Variants in CENPN observed in about 807,000 individuals in gnomAD.
The protein encoded by CENPN is centromere protein N, also known as interphase centromere complex protein 32.
In CENPN, 36 loss-of-function variants were observed where a neutral mutation model predicts 48.6. The ratio of observed to expected loss-of-function variants is 0.74; its 90% confidence interval spans 0.57 to 0.98. The LOEUF (loss-of-function observed/expected upper bound fraction) is 0.98, where lower values mean the gene tolerates loss of function less well. Ranked by LOEUF, CENPN falls within the 50% of genes least tolerant of loss-of-function variation. The pLI is 0.00. For missense variants in CENPN, 439 were observed against 399.2 expected (o/e 1.10, Z -0.85); for synonymous variants, 166 against 135.2 (o/e 1.23, Z -1.58).
chr16:81,017,720 T>G, intron 4 of CENPN, 38 bp from the exon 5 acceptor site: 1 of 1,386,734 alleles, frequency 7.2e-7, no homozygotes, highest in Non-Finnish European at 1.0e-6. Context: ...ACATTGTAGC[T>G]CCCTTGATTT....
downstream of CENPN, chr16:81,032,518 T>C (rs77796610): frequency 9.2e-4 from 1,398 of 1,513,736 alleles, 13 homozygotes; most frequent in African/African-American, 0.016. Flanking sequence ...ATGTCTTTTC[T>C]CCTATTAATC....
rs1055717319 is a variant in CENPN, at chr16:81,028,278, G to C, written c.918G>C (p.Leu306Phe). The C allele has an allele frequency of 1.2e-6, 2 of 1,614,138 alleles. No homozygotes were observed. Among genetic ancestry groups the C allele is most frequent in the Admixed American group, 3.3e-5 (2 of 60,028 alleles). ...KFSSPHLLEA[L>F]KSLAPAGIAD... ...CTAGCCCACATCTTCTGGAAGCATT[G>C]AAATCCTTAGCACCAGCGGGTGAGT... Residue 306 changes from leucine to phenylalanine, a missense_variant, in exon 10 of 11, where the codon TTG becomes TTC. Leu to Phe is a conservative substitution (Grantham distance 22, BLOSUM62 0). Coordinates refer to ENST00000305850, the MANE Select transcript of CENPN (RefSeq NM_001100624.3).
chr16:81,009,238 A>G (rs1969640764), intron 1 of CENPN, among the ~76,000 whole-genome samples: 1 of 152,238 alleles, frequency 6.6e-6, no homozygotes, highest in Non-Finnish European at 1.5e-5. Flanking sequence ...AAAAACAATT[A>G]GCAGTGGAGA....
rs750393859 is a variant in CENPN, at chr16:81,028,338, A to G, written c.937+41A>G. On this transcript the variant is annotated intron_variant, in intron 10 of 10. Coordinates refer to ENST00000305850, the MANE Select transcript of CENPN (RefSeq NM_001100624.3). ...ACTCTATAAGCTAGAAAAATTAACA[A>G]CATGCCTCCATTCCATCCTTATAAT... The G allele has an allele frequency of 5.6e-6, 9 of 1,606,776 alleles. No individual in the cohort carries two copies. The East Asian group carries it at 6.7e-5, about 12-fold the overall frequency.
intron 1 of CENPN, among the ~76,000 whole-genome samples, chr16:81,010,303 G>C (rs1441323824): frequency 6.6e-6 from 1 of 152,228 alleles, no homozygotes; most frequent in Non-Finnish European, 1.5e-5. Context: ...TAGCAGACGT[G>C]AGATCAGCTG....
At chr16:81,031,667 A>G (rs1025650309), downstream of CENPN, among the ~76,000 whole-genome samples, 1 of 152,200 alleles carries the variant, frequency 6.6e-6, no homozygotes, top group Non-Finnish European at 1.5e-5. Context: ...GAGTTGTCTC[A>G]TTCCTTAACC....
intron 6 of CENPN, among the ~76,000 whole-genome samples, chr16:81,020,957 TG>T (rs1482463661): frequency 2.0e-4 from 30 of 152,148 alleles, no homozygotes; most frequent in Non-Finnish European, 4.4e-5. Context: ...CCAGGCGTGG[TG>T]GTGGGCACCT....
intron 9 of CENPN, among the ~76,000 whole-genome samples, chr16:81,027,221 T>G (rs1241094955): frequency 6.6e-6 from 1 of 152,190 alleles, no homozygotes; most frequent in Non-Finnish European, 1.5e-5. Context: ...TTGGGCACAG[T>G]GGCTCACACC....
intron 9 of CENPN, among the ~76,000 whole-genome samples, chr16:81,026,915 C>G (rs1050938503): frequency 2.0e-5 from 3 of 151,994 alleles, no homozygotes; most frequent in African/African-American, 7.2e-5. Context: ...CTCAGCCTCC[C>G]GAGTAGCTGG....
At chr16:81,013,973 A>C (rs996183394) in intron 2 of CENPN, among the ~76,000 whole-genome samples, 163 bp from the exon 3 acceptor site, 2 of 152,238 alleles carry the variant, frequency 1.3e-5, no homozygotes, top group Non-Finnish European at 2.9e-5. Context: ...ATGAATCAGA[A>C]AGAATGTCCA....
chr16:81,028,129 A>T (rs368901835), intron 9 of CENPN, 42 bp from the exon 10 acceptor site: 16 of 1,404,234 alleles, frequency 1.1e-5, no homozygotes, highest in Non-Finnish European at 1.5e-5. Context: ...ATTCGTATTT[A>T]TACAATATGT....
At chr16:81,016,535 G>A (rs1335458561) in intron 3 of CENPN, among the ~76,000 whole-genome samples, 1 of 152,212 alleles carries the variant, frequency 6.6e-6, no homozygotes. Context: ...GCCAAGGTAG[G>A]TGGATCACCC....
chr16:81,017,819 G>A lies in CENPN; in HGVS notation c.339G>A (p.Gln113=). 4 of 1,558,834 alleles carry A rather than the reference G, an allele frequency of 2.6e-6. No individual in the cohort carries two copies. The highest frequency in any genetic ancestry group is 2.6e-6 in the Non-Finnish European group (3 of 1,140,568). Reference sequence around the variant, plus strand: ...AAAATTCGTTCAAGAAAATTCTTCAGAGAGCATTAAAAAATGTAAGAATAA... The same window carrying A: ...AAAATTCGTTCAAGAAAATTCTTCAAAGAGCATTAAAAAATGTAAGAATAA... ...QFKNSFKKIL[Q]RALKNVTVSF... Residue 113 remains glutamine, a synonymous_variant, in exon 5 of 11, where the codon CAG becomes CAA. Coordinates refer to ENST00000305850, the MANE Select transcript of CENPN (RefSeq NM_001100624.3).
Position 81,026,540 on chromosome 16 carries a change from A to T in CENPN, c.712A>T (p.Ile238Phe), listed in dbSNP as rs754473291. 6 of 1,581,642 alleles carry T rather than the reference A, an allele frequency of 3.8e-6. No individual in the cohort carries two copies. The African/African-American group carries it at 6.7e-5, about 18-fold the overall frequency. ...TCCACCCATAGTGGATTCAAGGATCATTCATGAAAACATAGTAGAAAAAGA... is the reference window on the plus strand; with the variant it reads ...TCCACCCATAGTGGATTCAAGGATCTTTCATGAAAACATAGTAGAAAAAGA... ...GLDINMDSRIIHENIVEKERV... is the reference protein window; with the variant it reads ...GLDINMDSRIFHENIVEKERV... Residue 238 changes from isoleucine (I) to phenylalanine (F), a missense_variant, in exon 9 of 11, where the codon ATT becomes TTT. Physicochemically the swap from Ile to Phe is conservative, Grantham distance 21 (BLOSUM62 0). Coordinates refer to ENST00000305850, the MANE Select transcript of CENPN (RefSeq NM_001100624.3).
intron 5 of CENPN, among the ~76,000 whole-genome samples, chr16:81,019,455 C>T (rs990193632): frequency 2.0e-5 from 3 of 151,480 alleles, no homozygotes; most frequent in African/African-American, 7.3e-5. Flanking sequence ...TGGGCTCAAG[C>T]GATCCTCCTA....
chr16:81,029,823 T>C lies in CENPN; in HGVS notation c.*1172T>C, dbSNP rs1183834335. Among the ~76,000 whole-genome samples the C allele has an allele frequency of 8.5e-5, 13 of 152,110 alleles. No homozygotes were observed. The highest frequency in any genetic ancestry group is 1.8e-4 in the Non-Finnish European group (12 of 68,006). ...CTCCTGGGCTCAAGCAATCTGCCCA[T>C]TTTAGCCTCCTAAAATGCTGGGATT... On this transcript the variant is annotated 3_prime_UTR_variant, in exon 11 of 11. Coordinates refer to ENST00000305850, the MANE Select transcript of CENPN (RefSeq NM_001100624.3).
intron 7 of CENPN, 94 bp from the exon 8 acceptor site, chr16:81,024,621 A>G (rs1970377180): frequency 2.5e-6 from 2 of 810,932 alleles, no homozygotes; most frequent in Non-Finnish European, 3.8e-6. Context: ...GGAAAAAAAT[A>G]AACATTTGAC....
chr16:81,016,979 C>T (rs1167858013), intron 3 of CENPN: 6 of 247,530 alleles, frequency 2.4e-5, no homozygotes, highest in South Asian at 1.8e-4. Flanking sequence ...ACAGCTGGCT[C>T]AAATGTGGGT....
chr16:81,018,104 T>C (rs1160517349), intron 5 of CENPN, among the ~76,000 whole-genome samples: 1 of 152,154 alleles, frequency 6.6e-6, no homozygotes, highest in African/African-American at 2.4e-5. Context: ...GTATTGGCAC[T>C]GTTCAGTTCA....
Sources: allele counts gnomAD v4.1 joint callset (sites outside exome capture counted in the v4.1 genomes callset), GRCh38; gene constraint gnomAD v4.1.1; transcripts MANE v1.5; gene names NCBI Gene and HGNC (gene_info 2026-07-23, HGNC 2026-07-21).